The following ADAMTSL1 variants were observed in gnomAD, a reference collection of about 807,000 sequenced individuals.
ADAMTSL1 encodes the protein ADAMTS like 1, also known as ADAMTS-like protein 1.
ADAMTSL1 carries 126 observed loss-of-function variants against 201.8 expected under a neutral mutation model. The observed-to-expected ratio is 0.62, with a 90% confidence interval of 0.54 to 0.72. The LOEUF (loss-of-function observed/expected upper bound fraction) is 0.72, where lower values mean the gene tolerates loss of function less well. Among genes scored for constraint, ADAMTSL1 ranks in the 30% least tolerant of loss-of-function variants. The probability of loss-of-function intolerance (pLI) is 0.00; values close to 1 mark genes in which losing one functional copy is unlikely to be tolerated. For synonymous variants in ADAMTSL1, 1,121 were observed against 903.4 expected, an observed-to-expected ratio of 1.24 and a Z score of -4.32; for missense variants, 2,679 against 2,277.8, an observed-to-expected ratio of 1.18 and a Z score of -3.59.
At chr9:18,841,488 C>G (rs1825712265) in intron 23 of ADAMTSL1, among the ~76,000 whole-genome samples, 1 of 152,130 alleles carries the variant, frequency 6.6e-6, no homozygotes. Context: ...GGATATTGGT[C>G]TAAAATTCTC....
At chr9:18,754,805 T>C (rs1000285101) in intron 16 of ADAMTSL1, among the ~76,000 whole-genome samples, 27 of 152,196 alleles carry the variant, frequency 1.8e-4, no homozygotes, top group African/African-American at 6.5e-4. Flanking sequence ...CTTTTAGAGC[T>C]TAAATGTATA....
At chr9:18,278,169 TAAGA>T (rs1345866745) in intron 2 of ADAMTSL1, among the ~76,000 whole-genome samples, 1 of 152,224 alleles carries the variant, frequency 6.6e-6, no homozygotes, top group Non-Finnish European at 1.5e-5. Flanking sequence ...TAAACTTTTA[TAAGA>T]ATCAAAAGGT....
intron 2 of ADAMTSL1, among the ~76,000 whole-genome samples, chr9:18,306,915 A>T (rs1360439071): frequency 6.6e-6 from 1 of 152,210 alleles, no homozygotes; most frequent in Admixed American, 6.5e-5. Flanking sequence ...GGTTGAAATG[A>T]AGGAAAAAAT....
At chr9:18,107,188 C>T (rs1824796788) in intron 1 of ADAMTSL1, among the ~76,000 whole-genome samples, 2 of 152,176 alleles carry the variant, frequency 1.3e-5, no homozygotes, top group African/African-American at 4.8e-5. Context: ...TTGTAAGTTA[C>T]TCTTGTGATT....
At chr9:18,570,865 A>G (rs1179735151) in intron 3 of ADAMTSL1, among the ~76,000 whole-genome samples, 2 of 152,242 alleles carry the variant, frequency 1.3e-5, no homozygotes, top group Non-Finnish European at 2.9e-5. Context: ...TATTCTTCTC[A>G]GACCTATTTC....
chr9:18,857,500 T>TTG (rs1368763594), intron 23 of ADAMTSL1, among the ~76,000 whole-genome samples: 1 of 152,230 alleles, frequency 6.6e-6, no homozygotes, highest in East Asian at 1.9e-4. Context: ...TGAGTCTTTG[T>TTG]TGTGAGACTT....
intron 5 of ADAMTSL1, among the ~76,000 whole-genome samples, chr9:18,630,440 T>G (rs534179034): frequency 1.3e-4 from 20 of 152,332 alleles, no homozygotes; most frequent in African/African-American, 4.6e-4. Flanking sequence ...TGTCCAGAGT[T>G]GTCCTTCTGT....
intron 2 of ADAMTSL1, among the ~76,000 whole-genome samples, chr9:18,219,269 A>G (rs182886329): frequency 1.3e-5 from 2 of 151,920 alleles, no homozygotes; most frequent in African/African-American, 2.4e-5. Flanking sequence ...GGCCTTATAG[A>G]TTATACGGAT....
At chr9:18,902,810 T>C (rs1830084639) in intron 26 of ADAMTSL1, among the ~76,000 whole-genome samples, 1 of 151,936 alleles carries the variant, frequency 6.6e-6, no homozygotes, top group South Asian at 2.1e-4. Context: ...CTAACCAAAA[T>C]AGACAAACTT....
chr9:18,644,820 T>C (rs1410937239), intron 7 of ADAMTSL1, among the ~76,000 whole-genome samples: 2 of 152,028 alleles, frequency 1.3e-5, no homozygotes, highest in Non-Finnish European at 1.5e-5. Context: ...CAAGTCTTTG[T>C]TATTGTGAAT....
intron 1 of ADAMTSL1, among the ~76,000 whole-genome samples, chr9:17,919,928 A>G (rs1007565705): frequency 6.6e-6 from 1 of 152,122 alleles, no homozygotes; most frequent in African/African-American, 2.4e-5. Context: ...ACCATTATAC[A>G]TTCCCATCAG....
chr9:18,510,876 C>T (rs1012496635), intron 2 of ADAMTSL1, among the ~76,000 whole-genome samples: 3 of 151,958 alleles, frequency 2.0e-5, no homozygotes, highest in African/African-American at 4.8e-5. Context: ...GTTCTTCACC[C>T]CCCTACTAAA....
chr9:18,137,285 T>G (rs971592958), intron 1 of ADAMTSL1, among the ~76,000 whole-genome samples: 2 of 152,226 alleles, frequency 1.3e-5, no homozygotes, highest in Non-Finnish European at 2.9e-5. Flanking sequence ...TGAAAACAGA[T>G]GAAAATATAA....
chr9:18,422,924 A>G (rs915480234), intron 2 of ADAMTSL1, among the ~76,000 whole-genome samples: 2 of 152,168 alleles, frequency 1.3e-5, no homozygotes, highest in African/African-American at 2.4e-5. Flanking sequence ...ACAGTTGACA[A>G]TAACACTGTG....
intron 2 of ADAMTSL1, among the ~76,000 whole-genome samples, chr9:18,401,546 C>T (rs1817984876): frequency 6.6e-6 from 1 of 152,168 alleles, no homozygotes; most frequent in Admixed American, 6.5e-5. Flanking sequence ...TGAAGCATCA[C>T]CAAATTTTAA....
chr9:18,545,094 A>G (rs1250630698), intron 3 of ADAMTSL1, among the ~76,000 whole-genome samples: 3 of 152,338 alleles, frequency 2.0e-5, no homozygotes, highest in African/African-American at 7.2e-5. Flanking sequence ...AGAACCTGGC[A>G]AAGTTATAGA....
At chr9:18,287,689 ATTACATATATGTACATATAT>A (rs1833069831) in intron 2 of ADAMTSL1, among the ~76,000 whole-genome samples, 1 of 147,742 alleles carries the variant, frequency 6.8e-6, no homozygotes, top group Non-Finnish European at 1.5e-5. Flanking sequence ...ACATAAATAT[ATTACATATATGTACATATAT>A]TTACATATAT....
At chr9:17,974,889 G>A (rs1162753464) in intron 1 of ADAMTSL1, among the ~76,000 whole-genome samples, 1 of 151,906 alleles carries the variant, frequency 6.6e-6, no homozygotes, top group East Asian at 1.9e-4. Context: ...ACCAGAATGG[G>A]GATTGTTTGA....
intron 1 of ADAMTSL1, among the ~76,000 whole-genome samples, chr9:18,021,472 A>G (rs1395130919): frequency 6.6e-6 from 1 of 152,132 alleles, no homozygotes; most frequent in Non-Finnish European, 1.5e-5. Context: ...TGCTGCTAAC[A>G]TTACTAATTG....
Sources: allele counts gnomAD v4.1 joint callset (sites outside exome capture counted in the v4.1 genomes callset), GRCh38; gene constraint gnomAD v4.1.1; transcripts MANE v1.5; gene names NCBI Gene and HGNC (gene_info 2026-07-23, HGNC 2026-07-21).